Variants in MAN2B1 observed in about 807,000 individuals in gnomAD.
MAN2B1 encodes lysosomal alpha-mannosidase.
Under a neutral mutation model 127.5 loss-of-function variants are expected in MAN2B1, and 99 were observed. The ratio of observed to expected loss-of-function variants is 0.78; its 90% CI spans 0.66 to 0.92. MAN2B1 has a LOEUF of 0.92. Ranked by LOEUF, MAN2B1 falls within the 40% of genes least tolerant of loss-of-function variation. The probability of loss-of-function intolerance (pLI) is 0.00; values close to 1 mark genes in which losing one functional copy is unlikely to be tolerated. For missense variants in MAN2B1, 1,304 were observed against 1,384.8 expected, an observed-to-expected ratio of 0.94 and a Z score of 0.93; for synonymous variants, 573 against 568.8, an observed-to-expected ratio of 1.01 and a Z score of -0.11.
chr19:12,651,057 T>C (rs2023833538), intron 16 of MAN2B1, among the ~76,000 whole-genome samples: 1 of 149,894 alleles, frequency 6.7e-6, no homozygotes, highest in Admixed American at 6.7e-5. Flanking sequence ...TGAACTCCTA[T>C]GCTCAGCGAT....
chr19:12,660,085 G>A (rs1471669656), intron 7 of MAN2B1, among the ~76,000 whole-genome samples: 2 of 152,066 alleles, frequency 1.3e-5, no homozygotes, highest in Non-Finnish European at 2.9e-5. Context: ...ATCTGTGTTG[G>A]GTAAAATGAT....
At chr19:12,657,242 GC>G in intron 11 of MAN2B1, 186 bp from the exon 12 acceptor site, 1 of 685,454 alleles carries the variant, frequency 1.5e-6, no homozygotes, top group African/African-American at 2.0e-5. Flanking sequence ...TCTTGCCCAC[GC>G]CCCGCCTCCT....
chr19:12,652,536 C>CTTTT (rs71168621), intron 14 of MAN2B1, 76 bp from the exon 15 acceptor site: 35 of 779,680 alleles, frequency 4.5e-5, no homozygotes, highest in African/African-American at 3.4e-4. Flanking sequence ...TTTCTTTTTT[C>CTTTT]TTTTTTTTTT....
In MAN2B1 at chr19:12,646,668, T is replaced by A. The variant is rs766708959; in HGVS notation, c.2988A>T (p.Glu996Asp). The A allele has an allele frequency of 1.9e-6, 3 of 1,613,948 alleles. No homozygotes were observed. The Admixed American group carries it at 5.0e-5, about 27-fold the overall frequency. ...DPANITLEPM[E>D]IRTFLASVQW... ...GAACTGAGGCCAGGAAAGTGCGGATTTCCATGGGTTCCAGCGTGATGTTGG... is the reference window on the plus strand; with the variant it reads ...GAACTGAGGCCAGGAAAGTGCGGATATCCATGGGTTCCAGCGTGATGTTGG... Residue 996 changes from glutamate to aspartate, a missense_variant, in exon 24 of 24, where the codon GAA (glutamate) becomes GAT (aspartate). Physicochemically the swap from Glu to Asp is conservative, Grantham distance 45. Transcript: ENST00000456935.
Position 12,657,074 on chromosome 19 carries a change from G to T in MAN2B1, c.1420-18C>A, listed in dbSNP as rs1214747738. On this transcript the variant is annotated intron_variant, in intron 11 of 23. Transcript: ENST00000456935. ...AGAAGAACCTGCGGAAGAGCGCAAA[G>T]GGACCGGTGGGTTCAGGACGCCAGG... 6.7e-7 allele frequency: 1 copy of T among 1,497,440 alleles called. No individual in the cohort carries two copies. Among genetic ancestry groups the T allele is most frequent in the Non-Finnish European group, 9.2e-7 (1 of 1,085,288 alleles). The allele number at this position is 1,497,440 out of a possible 1,614,324, so 92.8% of individuals were successfully genotyped here.
chr19:12,666,372 T>C (rs2024240341), intron 1 of MAN2B1, among the ~76,000 whole-genome samples, 171 bp downstream of exon 1: 1 of 151,924 alleles, frequency 6.6e-6, no homozygotes, highest in Non-Finnish European at 1.5e-5. Context: ...AGTCCTATAC[T>C]CAGATGCGCA....
In MAN2B1 at chr19:12,648,326, A is replaced by T; in HGVS notation, c.2513T>A (p.Val838Glu). Reference protein sequence around the residue: ...PLMENGSGAWVRGRHLVLLDT... With the variant: ...PLMENGSGAWERGRHLVLLDT... ...CAGCAGCACCAGGTGGCGCCCTCGC[A>T]CCCACGCCCCCGACCCGTTCTCCAT... Residue 838 changes from valine (V) to glutamate (E), a missense_variant, in exon 21 of 24, where the codon GTG becomes GAG. Transcript: ENST00000456935. The T allele has an allele frequency of 6.2e-7, 1 of 1,613,522 alleles. No individual in the cohort carries two copies. The highest frequency in any genetic ancestry group is 8.5e-7 in the Non-Finnish European group (1 of 1,179,890).
Position 12,647,348 on chromosome 19 carries a change from G to T in MAN2B1, c.2821-13C>A, listed in dbSNP as rs765084966. ...TGGAGAACAGGTCCTGCGGGGAAGG[G>T]GATGGGCCCAGATGAGTTGGGGCAA... On this transcript the variant is annotated splice_polypyrimidine_tract_variant and intron_variant, in intron 22 of 23. Transcript: ENST00000456935. This position sits in a 1 kb window ranked among gnomAD's most constrained non-coding sequence, Gnocchi z 4.9. The T allele has an allele frequency of 6.2e-7, 1 of 1,613,194 alleles. No individual in the cohort carries two copies. The highest frequency in any genetic ancestry group is 1.3e-5 in the African/African-American group (1 of 74,996).
chr19:12,653,044 G>A (rs1167925257), intron 14 of MAN2B1, among the ~76,000 whole-genome samples: 2 of 148,380 alleles, frequency 1.3e-5, no homozygotes, highest in African/African-American at 5.0e-5. Flanking sequence ...ATGTTGGTCA[G>A]GCTGGTCTCC....
intron 7 of MAN2B1, among the ~76,000 whole-genome samples, chr19:12,659,925 G>T (rs780882118): frequency 1.3e-5 from 2 of 152,320 alleles, no homozygotes; most frequent in Middle Eastern, 3.4e-3. Context: ...CGAGTGGAAG[G>T]TGGGAATGGA....
At position 12,657,567 on chromosome 19, in the gene MAN2B1, C is replaced by A; in HGVS notation, c.1310-12G>T. 6.4e-7 allele frequency: 1 copy of A among 1,551,538 alleles called. No homozygotes were observed. The highest frequency in any genetic ancestry group is 8.7e-7 in the Non-Finnish European group (1 of 1,146,098). On this transcript the variant is annotated splice_polypyrimidine_tract_variant and intron_variant, in intron 10 of 23. Transcript: ENST00000456935. ...AGCCATCGCCTCATCTGCTCATAGA[C>A]AATGAGTCCGGTGAGGTTCTGTGGG...
intron 4 of MAN2B1, among the ~76,000 whole-genome samples, chr19:12,664,338 A>C (rs2024176879): frequency 2.7e-5 from 4 of 150,588 alleles, no homozygotes; most frequent in Admixed American, 2.6e-4. Context: ...GGGCGGGTCC[A>C]ACATCAGAAC....
chr19:12,661,289 C>T lies in MAN2B1; in HGVS notation c.997G>A (p.Asp333Asn). The stretch of plus-strand genomic sequence containing the variant: ...GCATTTACCAGCCGGATGAGCTTGT[C>T]AAGGTTCTTGAACCACATGTTGGCA... ...ENANMWFKNL[D>N]KLIRLVNAQQ... Residue 333 changes from aspartate to asparagine, a missense_variant, in exon 7 of 24, where the codon GAC becomes AAC. Physicochemically the swap from Asp to Asn is conservative, Grantham distance 23 (BLOSUM62 1). Coordinates refer to ENST00000456935, the MANE Select transcript of MAN2B1 (RefSeq NM_000528.4). The T allele has an allele frequency of 6.2e-7, 1 of 1,613,986 alleles. No homozygotes were observed. Among genetic ancestry groups the T allele is most frequent in the South Asian group, 1.1e-5 (1 of 91,054 alleles).
intron 6 of MAN2B1, among the ~76,000 whole-genome samples, chr19:12,662,477 A>C (rs977189475): frequency 4.0e-5 from 6 of 151,888 alleles, no homozygotes; most frequent in Non-Finnish European, 7.4e-5. Flanking sequence ...AAAAGACATA[A>C]AACTTAGCCG....
intron 4 of MAN2B1, 144 bp downstream of exon 4, chr19:12,664,648 G>A: frequency 1.1e-6 from 1 of 888,252 alleles, no homozygotes. Flanking sequence ...CTGGCTTTAC[G>A]GCTCACTCAA....
chr19:12,656,467 G>T, intron 13 of MAN2B1, 104 bp downstream of exon 13: 1 of 784,042 alleles, frequency 1.3e-6, no homozygotes, highest in Admixed American at 1.7e-5. Flanking sequence ...AGATATGCAT[G>T]AGTGGGAGGT....
chr19:12,647,647 G>T lies in MAN2B1; in HGVS notation c.2665-49C>A, dbSNP rs547320420. On this transcript the variant is annotated intron_variant, in intron 21 of 23. Transcript: ENST00000456935. This position sits in a 1 kb window ranked among gnomAD's most constrained non-coding sequence, Gnocchi z 4.9. ...AGTTGGAGAGGGGCGGGGCCTGGAT[G>T]GAGAAGGGCGGGGCCGAGCCAGGTC... is the stretch of plus-strand genomic sequence containing the variant. The T allele has an allele frequency of 6.5e-7, 1 of 1,550,310 alleles. No individual in the cohort carries two copies. Among genetic ancestry groups the T allele is most frequent in the Non-Finnish European group, 8.8e-7 (1 of 1,140,142 alleles).
At chr19:12,663,264 G>T (rs1380129331) in intron 6 of MAN2B1, 53 bp downstream of exon 6, 1 of 1,603,060 alleles carries the variant, frequency 6.2e-7, no homozygotes, top group East Asian at 2.2e-5. Flanking sequence ...ACCATGGAAA[G>T]AGCTCATTGT....
chr19:12,661,255 C>G lies in MAN2B1; in HGVS notation c.1026+5G>C, dbSNP rs1202775715. ...ACAAGGGTACCACAGGGTAGGCGCA[C>G]TGACCTGCGCATTTACCAGCCGGAT... On this transcript the variant is annotated splice_donor_5th_base_variant and intron_variant, in intron 7 of 23. Transcript: ENST00000456935. 5 of 1,598,084 alleles carry G rather than the reference C, an allele frequency of 3.1e-6. No homozygotes were observed. The South Asian group carries it at 4.4e-5, about 14-fold the overall frequency.
Sources: gnomAD v4.1 joint callset for allele counts (sites outside exome capture counted in the v4.1 genomes callset) on GRCh38, gnomAD v4.1.1 for gene constraint, Gnocchi (gnomAD v3.1) non-coding constraint, MANE v1.5 for transcripts, NCBI Gene and HGNC (gene_info 2026-07-23, HGNC 2026-07-21) for gene names.